Variants in ABTB3 observed in about 807,000 individuals in gnomAD.
ABTB3 encodes ankyrin repeat- and BTB/POZ domain-containing protein 3.
chr12:107,336,176 G>T, the ABTB3 span, among the ~76,000 whole-genome samples: 784 of 152,320 alleles, frequency 5.1e-3, 6 homozygotes, highest in African/African-American at 0.018. Context: ...ATGCCAAAGT[G>T]CTTGTTGTCA....
chr12:107,645,513 T>C, the ABTB3 span, among the ~76,000 whole-genome samples: 2 of 146,562 alleles, frequency 1.4e-5, no homozygotes, highest in Non-Finnish European at 3.1e-5. Context: ...ACCTGTTCTC[T>C]TAAATCCTCC....
At chr12:107,372,041 A>G in the ABTB3 span, among the ~76,000 whole-genome samples, 2 of 152,236 alleles carry the variant, frequency 1.3e-5, no homozygotes, top group Non-Finnish European at 2.9e-5. Flanking sequence ...ATGACAAAGT[A>G]TCTTCACTTC....
the ABTB3 span, among the ~76,000 whole-genome samples, chr12:107,434,125 C>T: frequency 6.6e-6 from 1 of 152,232 alleles, no homozygotes; most frequent in Non-Finnish European, 1.5e-5. Flanking sequence ...ACACTGACCA[C>T]CATGGGTGAC....
the ABTB3 span, among the ~76,000 whole-genome samples, chr12:107,638,271 G>C: frequency 7.2e-5 from 11 of 152,152 alleles, no homozygotes; most frequent in Non-Finnish European, 1.5e-4. Context: ...GGGCAGCACA[G>C]GGTTCAGGGT....
chr12:107,548,962 CTG>C, the ABTB3 span, among the ~76,000 whole-genome samples: 1 of 152,182 alleles, frequency 6.6e-6, no homozygotes, highest in African/African-American at 2.4e-5. Context: ...CCTAGGGTAA[CTG>C]TGAGCAGCTT....
At chr12:107,478,933 A>G in the ABTB3 span, among the ~76,000 whole-genome samples, 1 of 152,162 alleles carries the variant, frequency 6.6e-6, no homozygotes, top group Admixed American at 6.5e-5. Context: ...AACCTTCAGA[A>G]CTGTGGAACT....
chr12:107,504,521 T>C, the ABTB3 span, among the ~76,000 whole-genome samples: 15 of 152,380 alleles, frequency 9.8e-5, no homozygotes, highest in African/African-American at 2.9e-4. Flanking sequence ...GGCTGTTTAA[T>C]TAAAGATAAT....
At chr12:107,620,411 A>G in the ABTB3 span, among the ~76,000 whole-genome samples, 1 of 152,210 alleles carries the variant, frequency 6.6e-6, no homozygotes, top group Non-Finnish European at 1.5e-5. Flanking sequence ...TTCTAACTCA[A>G]GGAACTTGCA....
the ABTB3 span, among the ~76,000 whole-genome samples, chr12:107,641,586 G>A: frequency 1.2e-4 from 18 of 152,168 alleles, no homozygotes; most frequent in African/African-American, 4.3e-4. Context: ...CACCCATAAG[G>A]GAGATGATTA....
At chr12:107,501,378 G>A in the ABTB3 span, among the ~76,000 whole-genome samples, 3 of 120,498 alleles carry the variant, frequency 2.5e-5, no homozygotes, top group Non-Finnish European at 5.2e-5. Flanking sequence ...AGGTAGAGAT[G>A]CTCCCAGTAA....
the ABTB3 span, among the ~76,000 whole-genome samples, chr12:107,408,376 G>A: frequency 6.6e-6 from 1 of 152,146 alleles, no homozygotes; most frequent in African/African-American, 2.4e-5. Flanking sequence ...TTTCTAATTT[G>A]CAAATTTAAA....
the ABTB3 span, among the ~76,000 whole-genome samples, chr12:107,389,557 C>T: frequency 1.1e-4 from 17 of 152,282 alleles, no homozygotes; most frequent in South Asian, 3.5e-3. Context: ...TGGCCTCCTC[C>T]AACACTCCTG....
chr12:107,460,904 A>T, the ABTB3 span, among the ~76,000 whole-genome samples: 1 of 152,178 alleles, frequency 6.6e-6, no homozygotes, highest in Non-Finnish European at 1.5e-5. Flanking sequence ...ATTTGGAAAT[A>T]GGGGCTGTGC....
At chr12:107,500,474 G>T in the ABTB3 span, among the ~76,000 whole-genome samples, 2 of 152,180 alleles carry the variant, frequency 1.3e-5, no homozygotes, top group South Asian at 2.1e-4. Flanking sequence ...TGCTGGTCAT[G>T]ATTAGTGCAG....
chr12:107,618,733 C>T, the ABTB3 span, among the ~76,000 whole-genome samples: 3 of 152,168 alleles, frequency 2.0e-5, no homozygotes, highest in Non-Finnish European at 4.4e-5. Flanking sequence ...GCTCTGCTGT[C>T]GAGGGTCTGG....
chr12:107,605,304 T>C, the ABTB3 span, among the ~76,000 whole-genome samples: 4 of 152,194 alleles, frequency 2.6e-5, no homozygotes, highest in Non-Finnish European at 5.9e-5. Flanking sequence ...TGGCATGCTA[T>C]TGGAAGAAAC....
chr12:107,657,116 C>T, the ABTB3 span, among the ~76,000 whole-genome samples: 1 of 152,194 alleles, frequency 6.6e-6, no homozygotes. Flanking sequence ...TCTATATGGA[C>T]ATTTGTGGGA....
At chr12:107,626,296 T>C in the ABTB3 span, among the ~76,000 whole-genome samples, 1 of 151,742 alleles carries the variant, frequency 6.6e-6, no homozygotes, top group African/African-American at 2.4e-5. Context: ...GCAGAAGTAA[T>C]CATGTGTTTT....
chr12:107,362,783 C>A, the ABTB3 span, among the ~76,000 whole-genome samples: 91 of 151,236 alleles, frequency 6.0e-4, 1 homozygote, highest in East Asian at 0.011. Context: ...ACAGAACAAA[C>A]CCTGTCTAAA....
Sources: gnomAD v4.1 joint callset for allele counts (sites outside exome capture counted in the v4.1 genomes callset) on GRCh38, gnomAD v4.1.1 for gene constraint, MANE v1.5 for transcripts, NCBI Gene and HGNC (gene_info 2026-07-23, HGNC 2026-07-21) for gene names.